GRID1: variants seen among roughly 807,000 people sequenced by gnomAD.
GRID1 encodes glutamate ionotropic receptor delta type subunit 1, also known as glutamate receptor ionotropic, delta-1.
Under a neutral mutation model 98.0 loss-of-function variants are expected in GRID1, and 28 were observed. The ratio of observed to expected loss-of-function variants is 0.29; its 90% confidence interval spans 0.21 to 0.39. GRID1 has a LOEUF of 0.39. GRID1 is among the 10% of genes least tolerant of loss of function. The pLI, the probability that GRID1 is intolerant of heterozygous loss-of-function variation, is 1.00. For missense variants in GRID1, 1,111 were observed against 1,340.5 expected, an observed-to-expected ratio of 0.83 and a Z score of 2.67; for synonymous variants, 553 against 538.5, an observed-to-expected ratio of 1.03 and a Z score of -0.37.
chr10:86,286,464 G>A (rs1847433332), intron 2 of GRID1, among the ~76,000 whole-genome samples: 1 of 152,158 alleles, frequency 6.6e-6, no homozygotes, highest in Non-Finnish European at 1.5e-5. Flanking sequence ...TACTAGGTTT[G>A]GGGGAACCAC....
intron 8 of GRID1, among the ~76,000 whole-genome samples, chr10:85,741,004 T>A (rs1841937684): frequency 1.3e-5 from 2 of 152,154 alleles, no homozygotes; most frequent in South Asian, 4.1e-4. Context: ...TCCACCCACC[T>A]CAGCCTTCCA....
At chr10:85,634,998 G>A (rs1590168597) in intron 13 of GRID1, among the ~76,000 whole-genome samples, 1 of 35,012 alleles carries the variant, frequency 2.9e-5, no homozygotes, top group African/African-American at 9.1e-5. Context: ...GAGGAAATCT[G>A]AAAAAAAAAA....
intron 4 of GRID1, among the ~76,000 whole-genome samples, chr10:86,061,800 G>T (rs1334080148): frequency 6.6e-6 from 1 of 152,158 alleles, no homozygotes; most frequent in African/African-American, 2.4e-5. Context: ...ACCTCTCTAT[G>T]TCACGAGCCT....
At position 86,138,727 on chromosome 10, in the gene GRID1, C is replaced by A. The variant is rs918330030; in HGVS notation, c.726+92G>T. The A allele has an allele frequency of 8.0e-6, 8 of 996,940 alleles. No homozygotes were observed. The East Asian group carries it at 1.2e-4, about 15-fold the overall frequency. 61.8% of individuals were successfully genotyped at this position (996,940 alleles called of 1,614,324 possible). The stretch of plus-strand genomic sequence containing the variant: ...GGTCTCCATGTCCGTTTAGGCCATG[C>A]GTAAGACGACTGTGCCCTGCAGCCC... On this transcript the variant is annotated intron_variant, in intron 4 of 15. Transcript: ENST00000327946.
intron 2 of GRID1, among the ~76,000 whole-genome samples, chr10:86,244,572 C>T (rs933571178): frequency 5.1e-4 from 77 of 152,236 alleles, no homozygotes; most frequent in Non-Finnish European, 3.5e-4. Context: ...GCCACCCCCT[C>T]GTTAATCATC....
intron 14 of GRID1, among the ~76,000 whole-genome samples, chr10:85,613,929 A>G (rs1842761593): frequency 1.3e-5 from 2 of 152,238 alleles, no homozygotes; most frequent in South Asian, 4.1e-4. Context: ...AGCAAATCAC[A>G]TAAGGCCCAT....
At chr10:86,310,633 G>T (rs12766061) in intron 2 of GRID1, among the ~76,000 whole-genome samples, 2 of 152,128 alleles carry the variant, frequency 1.3e-5, no homozygotes, top group African/African-American at 2.4e-5. Context: ...ACTGCGCCAC[G>T]CATGGTTTCT....
intron 6 of GRID1, among the ~76,000 whole-genome samples, chr10:85,860,165 C>T (rs1281467381): frequency 1.3e-5 from 2 of 152,084 alleles, no homozygotes; most frequent in African/African-American, 4.8e-5. Flanking sequence ...TCCTTGCCTC[C>T]CTCCCTCATA....
At chr10:85,699,565 C>A (rs1298659369) in intron 12 of GRID1, among the ~76,000 whole-genome samples, 1 of 152,064 alleles carries the variant, frequency 6.6e-6, no homozygotes. Context: ...GAAGTCACCA[C>A]CAAACCCACG....
chr10:85,938,911 T>C (rs922791576), intron 4 of GRID1, among the ~76,000 whole-genome samples: 3 of 152,248 alleles, frequency 2.0e-5, no homozygotes, highest in African/African-American at 7.2e-5. Flanking sequence ...GTAAAATCCC[T>C]TTTTAAAGTT....
intron 2 of GRID1, among the ~76,000 whole-genome samples, chr10:86,245,905 G>A (rs910807684): frequency 2.0e-5 from 3 of 152,236 alleles, no homozygotes; most frequent in Non-Finnish European, 4.4e-5. Flanking sequence ...GAACCCTCAT[G>A]GTCCCCATTC....
chr10:85,826,962 A>G (rs543852251), intron 8 of GRID1, among the ~76,000 whole-genome samples: 3 of 152,308 alleles, frequency 2.0e-5, no homozygotes, highest in Admixed American at 1.3e-4. Context: ...AAGAAAATGA[A>G]AGCAAAAAAT....
At chr10:86,211,341 C>T (rs1314724552) in intron 2 of GRID1, among the ~76,000 whole-genome samples, 2 of 152,152 alleles carry the variant, frequency 1.3e-5, no homozygotes, top group Non-Finnish European at 2.9e-5. Flanking sequence ...CTGATAAGGG[C>T]CCCCTGAGAA....
intron 4 of GRID1, among the ~76,000 whole-genome samples, chr10:85,996,599 C>G (rs1842741064): frequency 1.3e-5 from 2 of 151,824 alleles, no homozygotes; most frequent in Admixed American, 6.6e-5. Context: ...GAAACAAAAA[C>G]AAAAGATCTA....
intron 8 of GRID1, among the ~76,000 whole-genome samples, chr10:85,804,225 T>C (rs796374446): frequency 8.6e-5 from 13 of 151,610 alleles, no homozygotes; most frequent in African/African-American, 3.1e-4. Context: ...TCTACGAACA[T>C]GAAAATGATA....
At chr10:85,971,548 C>G (rs543016063) in intron 4 of GRID1, among the ~76,000 whole-genome samples, 9 of 152,196 alleles carry the variant, frequency 5.9e-5, no homozygotes, top group South Asian at 2.1e-4. Flanking sequence ...TCTGAACAAG[C>G]CTTTTACAAA....
intron 8 of GRID1, among the ~76,000 whole-genome samples, chr10:85,752,245 A>G (rs1341212090): frequency 1.3e-5 from 2 of 152,202 alleles, no homozygotes; most frequent in Non-Finnish European, 2.9e-5. Context: ...ACACACTCAA[A>G]CTGGAGAAAG....
intron 3 of GRID1, among the ~76,000 whole-genome samples, chr10:86,151,101 A>T (rs998393622): frequency 1.3e-5 from 2 of 152,080 alleles, no homozygotes; most frequent in African/African-American, 4.8e-5. Context: ...GCCCGAGTTT[A>T]TCTAGCCTAG....
At chr10:85,738,887 G>A (rs567001009) in intron 8 of GRID1, among the ~76,000 whole-genome samples, 1 of 152,188 alleles carries the variant, frequency 6.6e-6, no homozygotes, top group African/African-American at 2.4e-5. Flanking sequence ...GGGACATTTG[G>A]GGCTAATGGA....
Sources: allele counts gnomAD v4.1 joint callset (sites outside exome capture counted in the v4.1 genomes callset), GRCh38; gene constraint gnomAD v4.1.1; transcripts MANE v1.5; gene names NCBI Gene and HGNC (gene_info 2026-07-23, HGNC 2026-07-21).